GREB1L: variants seen among roughly 807,000 people sequenced by gnomAD.
The protein encoded by GREB1L is GREB1 like retinoic acid receptor coactivator.
GREB1L carries 17 observed loss-of-function variants against 200.8 expected under a neutral mutation model. The ratio of observed to expected loss-of-function variants is 0.08; its 90% CI spans 0.06 to 0.13. The LOEUF is 0.13. GREB1L is among the 10% of genes least tolerant of loss of function. The probability of loss-of-function intolerance (pLI) is 1.00; values close to 1 mark genes in which losing one functional copy is unlikely to be tolerated. For missense variants in GREB1L, 1,657 were observed against 2,367.7 expected (o/e 0.70, Z 6.23); for synonymous variants, 789 against 893.0 (o/e 0.88, Z 2.08).
chr18:21,342,019 A>G (rs1164713041), intron 1 of GREB1L, among the ~76,000 whole-genome samples: 1 of 152,210 alleles, frequency 6.6e-6, no homozygotes, highest in Non-Finnish European at 1.5e-5. Flanking sequence ...AATAGAAATT[A>G]TAGGGAAAGA....
intron 2 of GREB1L, among the ~76,000 whole-genome samples, chr18:21,382,491 AT>A (rs36119910): frequency 0.026 from 3,600 of 139,006 alleles, 103 homozygotes; most frequent in African/African-American, 0.079. Context: ...TATACATGGA[AT>A]TTTTTTTTTT....
At chr18:21,303,537 A>C (rs1214428607) in intron 1 of GREB1L, among the ~76,000 whole-genome samples, 5 of 152,130 alleles carry the variant, frequency 3.3e-5, no homozygotes, top group African/African-American at 1.2e-4. Flanking sequence ...AATGGTTTTC[A>C]CTCTTCACTT....
chr18:21,311,690 A>G (rs2038792967), intron 1 of GREB1L, among the ~76,000 whole-genome samples: 1 of 152,284 alleles, frequency 6.6e-6, no homozygotes, highest in South Asian at 2.1e-4. Flanking sequence ...GGGTTGGTGC[A>G]ATCGAATATA....
chr18:21,349,877 A>T (rs1243059326), intron 1 of GREB1L, among the ~76,000 whole-genome samples: 1 of 152,208 alleles, frequency 6.6e-6, no homozygotes, highest in East Asian at 1.9e-4. Flanking sequence ...GGCTTCAGTC[A>T]TCCTGAAACC....
At chr18:21,426,966 AAAAAAACAAAAAAAAAAAAAAC>A (rs1568000119) in intron 7 of GREB1L, among the ~76,000 whole-genome samples, 2 of 104,394 alleles carry the variant, frequency 1.9e-5, no homozygotes, top group African/African-American at 1.9e-4. Context: ...CTCAAAAAAA[AAAAAAACAAAAAAAAAAAAAAC>A]AAAAAAAAAA....
chr18:21,389,705 T>C (rs541323692), intron 4 of GREB1L, among the ~76,000 whole-genome samples: 1 of 152,302 alleles, frequency 6.6e-6, no homozygotes, highest in African/African-American at 2.4e-5. Context: ...TAGTCTCCCT[T>C]TTGCAATGTA....
chr18:21,404,068 C>T, intron 7 of GREB1L, 74 bp downstream of exon 7: 1 of 1,294,608 alleles, frequency 7.7e-7, no homozygotes, highest in South Asian at 1.3e-5. Context: ...TATATACTTA[C>T]TGCTGGCTGG....
intron 1 of GREB1L, among the ~76,000 whole-genome samples, chr18:21,347,962 T>G (rs2039375386): frequency 8.0e-6 from 1 of 125,560 alleles, no homozygotes; most frequent in Non-Finnish European, 1.6e-5. Flanking sequence ...TTTTTTTTTT[T>G]GAGACAGAGT....
At chr18:21,346,160 T>C (rs1598678981) in intron 1 of GREB1L, among the ~76,000 whole-genome samples, 1 of 152,170 alleles carries the variant, frequency 6.6e-6, no homozygotes, top group African/African-American at 2.4e-5. Context: ...CCTGAATTAC[T>C]TCGCCGTGTC....
At chr18:21,333,935 T>C (rs566204107) in intron 1 of GREB1L, among the ~76,000 whole-genome samples, 335 of 151,976 alleles carry the variant, frequency 2.2e-3, no homozygotes, top group Non-Finnish European at 3.4e-3. Context: ...TGAGTCATGG[T>C]TGTGCCATTG....
chr18:21,375,199 G>A (rs2040023740), intron 2 of GREB1L, among the ~76,000 whole-genome samples: 1 of 151,788 alleles, frequency 6.6e-6, no homozygotes, highest in African/African-American at 2.4e-5. Context: ...CGAGTAGCTG[G>A]GACTATAGGC....
chr18:21,474,957 T>C (rs28396881), intron 16 of GREB1L, among the ~76,000 whole-genome samples: 96,095 of 151,916 alleles, frequency 0.63, 35,926 homozygotes, highest in Non-Finnish European at 0.85. Context: ...AATTCAATCA[T>C]CTCCCACCGG....
intron 15 of GREB1L, chr18:21,454,793 A>G (rs2145474772): frequency 1.8e-6 from 1 of 541,540 alleles, no homozygotes. Flanking sequence ...GCCAGGTATC[A>G]TTAAGTTCAT....
At chr18:21,454,054 T>C (rs921601715) in intron 14 of GREB1L, among the ~76,000 whole-genome samples, 18 of 152,226 alleles carry the variant, frequency 1.2e-4, no homozygotes, top group African/African-American at 4.3e-4. Flanking sequence ...GCTGCGACAG[T>C]GTAGTCGGTC....
chr18:21,254,187 A>G (rs1325801232), intron 1 of GREB1L, among the ~76,000 whole-genome samples: 2 of 146,170 alleles, frequency 1.4e-5, no homozygotes, highest in Non-Finnish European at 3.0e-5. Flanking sequence ...CTCCTGTCTC[A>G]GCCTCCCGAA....
At chr18:21,279,637 T>G (rs2144414914) in intron 1 of GREB1L, among the ~76,000 whole-genome samples, 1 of 152,180 alleles carries the variant, frequency 6.6e-6, no homozygotes, top group South Asian at 2.1e-4. Context: ...AGAAATGGGG[T>G]CTTGCTGTGT....
At chr18:21,340,359 GC>G (rs2039250545) in intron 1 of GREB1L, among the ~76,000 whole-genome samples, 1 of 151,832 alleles carries the variant, frequency 6.6e-6, no homozygotes, top group African/African-American at 2.4e-5. Context: ...GGTGGAGCTT[GC>G]AGTGAGCTGA....
intron 15 of GREB1L, among the ~76,000 whole-genome samples, chr18:21,461,494 C>T (rs1303227251): frequency 6.6e-6 from 1 of 152,142 alleles, no homozygotes; most frequent in African/African-American, 2.4e-5. Flanking sequence ...AAACTGGCTC[C>T]CACCCTCACA....
rs1456175913 is a variant in GREB1L, at chr18:21,477,309, C to T, written c.2509C>T (p.Arg837Cys). Residue 837 changes from arginine to cysteine, a missense_variant, in exon 17 of 33, where the codon CGC becomes TGC. By Grantham distance (180) the Arg-to-Cys change is radical (BLOSUM62 -3). Coordinates refer to ENST00000424526, the MANE Select transcript of GREB1L (RefSeq NM_001142966.3). ...FPYTLQTQQSRISSSNEVHWI... is the reference protein window; with the variant it reads ...FPYTLQTQQSCISSSNEVHWI... ...ATACACTCTGCAGACCCAACAGTCCCGCATTAGCTCTAGCAATGAGGTTCA... is the reference window on the plus strand; with the variant it reads ...ATACACTCTGCAGACCCAACAGTCCTGCATTAGCTCTAGCAATGAGGTTCA... 1.3e-6 allele frequency: 2 copies of T among 1,551,512 alleles called. No individual in the cohort carries two copies. The highest frequency in any genetic ancestry group is 2.4e-5 in the East Asian group (1 of 40,910).
Sources: allele counts gnomAD v4.1 joint callset (sites outside exome capture counted in the v4.1 genomes callset), GRCh38; gene constraint gnomAD v4.1.1; transcripts MANE v1.5; gene names NCBI Gene and HGNC (gene_info 2026-07-23, HGNC 2026-07-21).